Variants in PITPNM2 observed in about 807,000 individuals in gnomAD.
The protein encoded by PITPNM2 is phosphatidylinositol transfer protein membrane associated 2, also known as membrane-associated phosphatidylinositol transfer protein 2.
PITPNM2 carries 35 observed loss-of-function variants against 132.2 expected under a neutral mutation model. The ratio of observed to expected loss-of-function variants is 0.26; its 90% CI spans 0.20 to 0.35. PITPNM2 has a LOEUF of 0.35. Among genes scored for constraint, PITPNM2 ranks in the 10% least tolerant of loss-of-function variants. The pLI, the probability that PITPNM2 is intolerant of heterozygous loss-of-function variation, is 1.00. For synonymous variants in PITPNM2, 738 were observed against 799.2 expected (o/e 0.92, Z 1.29); for missense variants, 1,332 against 1,912.0 (o/e 0.70, Z 5.66).
In PITPNM2 at chr12:123,150,086, T is replaced by C. The variant is rs1414961023; in HGVS notation, c.-200+667A>G. On this transcript the variant is annotated intron_variant, in intron 1 of 25. Transcript: ENST00000320201. This position sits in a 1 kb window ranked among gnomAD's most constrained non-coding sequence, Gnocchi z 6.0. Reference sequence around the variant, plus strand: ...CACTATGTTCACCTGGAGTGGCCGTTTGGGATTTCTTGCGGGGAGGCAGTG... The same window carrying C: ...CACTATGTTCACCTGGAGTGGCCGTCTGGGATTTCTTGCGGGGAGGCAGTG... 1.3e-5 allele frequency: 2 copies of C among 152,624 alleles called. No homozygotes were observed. Among genetic ancestry groups the C allele is most frequent in the Non-Finnish European group, 2.9e-5 (2 of 68,536 alleles). 9.5% of individuals were successfully genotyped at this position (152,624 alleles called of 1,614,324 possible). A position where few individuals can be genotyped will look rare whatever the true frequency, so the allele number is the denominator to read the frequency against.
In PITPNM2 at chr12:123,058,874, G is replaced by A. The variant is rs537976899; in HGVS notation, c.-95-24189C>T. ...CAGCACTCACTCTGAGAAGCCCTCC[G>A]AGACTACTCTGGGCAAAGCTGAGTG... On this transcript the variant is annotated intron_variant, in intron 2 of 25. Transcript: ENST00000320201. This position sits in a 1 kb window ranked among gnomAD's most constrained non-coding sequence, Gnocchi z 4.0. 2.6e-5 allele frequency among the ~76,000 whole-genome samples: 4 copies of A among 152,196 alleles called. No homozygotes were observed. Among genetic ancestry groups the A allele is most frequent in the African/African-American group, 9.6e-5 (4 of 41,530 alleles).
chr12:123,040,572 C>G (rs981703887), intron 2 of PITPNM2, among the ~76,000 whole-genome samples: 4 of 152,162 alleles, frequency 2.6e-5, no homozygotes, highest in African/African-American at 9.6e-5. Context: ...TCTTTTTCCT[C>G]AGTTTAGCAA....
At chr12:123,021,847 A>C in intron 3 of PITPNM2, 5 of 328,240 alleles carry the variant, frequency 1.5e-5, no homozygotes, top group Non-Finnish European at 2.2e-5. Flanking sequence ...TCATCTCCCC[A>C]TCTGTAAGAG....
rs1354058367 is a variant in PITPNM2 at position 123,095,789 on chromosome 12, A to C, written c.-96+14596T>G. Among the ~76,000 whole-genome samples, 1 of 152,310 alleles carries C rather than the reference A, an allele frequency of 6.6e-6. No homozygotes were observed. Among genetic ancestry groups the C allele is most frequent in the East Asian group, 1.9e-4 (1 of 5,180 alleles). On this transcript the variant is annotated intron_variant, in intron 2 of 25. Transcript: ENST00000320201. This position sits in a 1 kb window ranked among gnomAD's most constrained non-coding sequence, Gnocchi z 5.0. ...CTACCAGGAAGACTCTCCCTTGTTT[A>C]CACGCAACCCTGCCTCCTGTGTCGT...
intron 1 of PITPNM2, among the ~76,000 whole-genome samples, chr12:123,129,483 T>G (rs1351995812): frequency 6.6e-6 from 1 of 151,058 alleles, no homozygotes; most frequent in Non-Finnish European, 1.5e-5. Context: ...GGCAGAAGAA[T>G]GGCGTGAACC....
intron 2 of PITPNM2, chr12:123,088,825 C>A (rs2042184515): frequency 6.6e-6 from 1 of 152,150 alleles, no homozygotes; most frequent in Non-Finnish European, 1.5e-5. Context: ...TTTGAAGCCA[C>A]GACAGCAACA....
intron 3 of PITPNM2, among the ~76,000 whole-genome samples, chr12:123,032,329 T>A (rs1267888611): frequency 6.6e-6 from 1 of 151,860 alleles, no homozygotes; most frequent in Non-Finnish European, 1.5e-5. Context: ...ATACGAAAAT[T>A]AGTTGGGTGT....
At chr12:122,987,250 C>T (rs531866576) in intron 23 of PITPNM2, 31 bp downstream of exon 23, 1 of 1,606,692 alleles carries the variant, frequency 6.2e-7, no homozygotes, top group Non-Finnish European at 8.5e-7. Context: ...CACCTTGCTA[C>T]AGCCCCTTTG....
rs373997954 is a variant in PITPNM2, at chr12:123,099,031, T to C, written c.-96+11354A>G. ...ATCTTCTCCATCAGATGTCAGCTGCTGCCTTCTCTCTGCTCTAGCTGCACT... is the reference window on the plus strand; with the variant it reads ...ATCTTCTCCATCAGATGTCAGCTGCCGCCTTCTCTCTGCTCTAGCTGCACT... On this transcript the variant is annotated intron_variant, in intron 2 of 25. Transcript: ENST00000320201. The surrounding 1 kb of genome is among the most constrained non-coding windows in gnomAD (Gnocchi z 4.2). Among the ~76,000 whole-genome samples, 13 of 152,200 alleles carry C rather than the reference T, an allele frequency of 8.5e-5. No homozygotes were observed. The highest frequency in any genetic ancestry group is 3.1e-4 in the African/African-American group (13 of 41,454).
rs1031677653 is a variant in PITPNM2 at position 122,986,626 on chromosome 12, C to T, written c.3597+20G>A. 2.5e-6 allele frequency: 4 copies of T among 1,608,976 alleles called. No homozygotes were observed. The highest frequency in any genetic ancestry group is 3.4e-6 in the Non-Finnish European group (4 of 1,176,886). On this transcript the variant is annotated intron_variant, in intron 24 of 25. Coordinates refer to ENST00000320201, the MANE Select transcript of PITPNM2 (RefSeq NM_020845.3). The stretch of plus-strand genomic sequence containing the variant: ...CCCTCTGCCCCCACCCCTGCCCTGC[C>T]CCATCCTCCCGGGCCCCACCTCGGA...
chr12:123,080,290 C>T (rs1275278526), intron 2 of PITPNM2, among the ~76,000 whole-genome samples: 1 of 152,144 alleles, frequency 6.6e-6, no homozygotes, highest in Non-Finnish European at 1.5e-5. Flanking sequence ...GTGATTATAG[C>T]TTACTGCAGC....
At chr12:123,115,990 A>T (rs564219592) in intron 1 of PITPNM2, among the ~76,000 whole-genome samples, 1 of 152,296 alleles carries the variant, frequency 6.6e-6, no homozygotes, top group Non-Finnish European at 1.5e-5. Flanking sequence ...AGGCTTTGGA[A>T]GGGTTTATGT....
Position 122,986,626 on chromosome 12 carries a change from C to A in PITPNM2, c.3597+20G>T, listed in dbSNP as rs1031677653. The A allele has an allele frequency of 3.1e-6, 5 of 1,608,976 alleles. No homozygotes were observed. The highest frequency in any genetic ancestry group is 4.2e-6 in the Non-Finnish European group (5 of 1,176,886). ...CCCTCTGCCCCCACCCCTGCCCTGC[C>A]CCATCCTCCCGGGCCCCACCTCGGA... On this transcript the variant is annotated intron_variant, in intron 24 of 25. Transcript: ENST00000320201.
In PITPNM2 at chr12:123,002,682, G is replaced by A. The variant is rs143687530; in HGVS notation, c.1049-1524C>T. Reference sequence around the variant, plus strand: ...ATCCCAAAGTGTTGGGATAACAGGCGTGAGCCACCGTACCCAGTTCCTGTT... The same window carrying A: ...ATCCCAAAGTGTTGGGATAACAGGCATGAGCCACCGTACCCAGTTCCTGTT... On this transcript the variant is annotated intron_variant, in intron 8 of 25. Transcript: ENST00000320201. Among the ~76,000 whole-genome samples, 475 of 152,294 alleles carry A rather than the reference G, an allele frequency of 3.1e-3. 4 individuals carry two copies. The highest frequency in any genetic ancestry group is 0.01 in the African/African-American group (436 of 41,566).
Position 123,008,771 on chromosome 12 carries a change from GT to G in PITPNM2, c.643+1078del, listed in dbSNP as rs2039046895. Among the ~76,000 whole-genome samples the G allele has an allele frequency of 3.3e-5, 5 of 152,182 alleles. No homozygotes were observed. Among genetic ancestry groups the G allele is most frequent in the Non-Finnish European group, 7.3e-5 (5 of 68,036 alleles). ...TGAGTGTTCTGCCCTGGGGATGGAG[GT>G]GGTGACACCAACACACCCATCGAGG... On this transcript the variant is annotated intron_variant, in intron 6 of 25. Coordinates refer to ENST00000320201, the MANE Select transcript of PITPNM2 (RefSeq NM_020845.3). This position sits in a 1 kb window ranked among gnomAD's most constrained non-coding sequence, Gnocchi z 4.1.
At chr12:123,068,513 G>A (rs1367360008) in intron 2 of PITPNM2, among the ~76,000 whole-genome samples, 2 of 151,826 alleles carry the variant, frequency 1.3e-5, no homozygotes, top group Non-Finnish European at 1.5e-5. Context: ...ATAATCCTTG[G>A]GCACACCAGC....
chr12:123,001,128 G>A lies in PITPNM2; in HGVS notation c.1079C>T (p.Pro360Leu). Reference protein sequence around the residue: ...EDLSDTEEMFPKDITKWSSND... With the variant: ...EDLSDTEEMFLKDITKWSSND... The stretch of plus-strand genomic sequence containing the variant: ...GGAGCTCCACTTGGTGATGTCCTTG[G>A]GGAACATTTCCTCTGTGTCGGACAG... Residue 360 changes from proline to leucine, a missense_variant, in exon 9 of 26, where the codon CCC becomes CTC. By Grantham distance (98) the Pro-to-Leu change is moderately conservative. Transcript: ENST00000320201. 1 of 1,614,154 alleles carries A rather than the reference G, an allele frequency of 6.2e-7. No individual in the cohort carries two copies. Among genetic ancestry groups the A allele is most frequent in the Non-Finnish European group, 8.5e-7 (1 of 1,180,014 alleles).
rs2038234588 is a variant in PITPNM2 at position 122,992,455 on chromosome 12, AC to A, written c.2404+43del. 6.4e-7 allele frequency: 1 copy of A among 1,566,978 alleles called. No homozygotes were observed. Among genetic ancestry groups the A allele is most frequent in the African/African-American group, 1.4e-5 (1 of 72,766 alleles). ...ACCTAGGAGCCAGGGAGCCACGCTT[AC>A]CCCACCTTCCCCCAGAGGAGTGGGG... On this transcript the variant is annotated intron_variant, in intron 16 of 25. Coordinates refer to ENST00000320201, the MANE Select transcript of PITPNM2 (RefSeq NM_020845.3). The surrounding 1 kb of genome is among the most constrained non-coding windows in gnomAD (Gnocchi z 6.5).
chr12:123,108,538 G>A lies in PITPNM2; in HGVS notation c.-96+1847C>T, dbSNP rs531552802. 1.8e-4 allele frequency among the ~76,000 whole-genome samples: 27 copies of A among 152,216 alleles called. No homozygotes were observed. Among genetic ancestry groups the A allele is most frequent in the African/African-American group, 6.3e-4 (26 of 41,534 alleles). On this transcript the variant is annotated intron_variant, in intron 2 of 25. Coordinates refer to ENST00000320201, the MANE Select transcript of PITPNM2 (RefSeq NM_020845.3). The surrounding 1 kb of genome is among the most constrained non-coding windows in gnomAD (Gnocchi z 4.4). ...ACGAGGCCCCAACCCCGCAGAACCC[G>A]AGTGACCCCTGGAGAAGCTGCAAGT...
Sources: gnomAD v4.1 joint callset for allele counts (sites outside exome capture counted in the v4.1 genomes callset) on GRCh38, gnomAD v4.1.1 for gene constraint, Gnocchi (gnomAD v3.1) non-coding constraint, MANE v1.5 for transcripts, NCBI Gene and HGNC (gene_info 2026-07-23, HGNC 2026-07-21) for gene names.